Variants in AADACL2 observed in about 807,000 individuals in gnomAD.
The protein encoded by AADACL2 is arylacetamide deacetylase like 2, also known as arylacetamide deacetylase-like 2.
Under a neutral mutation model 22.3 loss-of-function variants are expected in AADACL2, and 23 were observed. The observed-to-expected ratio is 1.03, with a 90% CI of 0.74 to 1.46. The LOEUF is 1.46. Ranked by LOEUF, AADACL2 falls within the 40% of genes most tolerant of loss-of-function variation. The pLI is 0.00. For synonymous variants in AADACL2, 177 were observed against 166.2 expected (o/e 1.07, Z -0.50); for missense variants, 472 against 482.9 (o/e 0.98, Z 0.21).
rs533008128 is a variant in AADACL2 at position 151,745,812 on chromosome 3, T to C, written c.603+132T>C. 6.9e-5 allele frequency: 64 copies of C among 928,780 alleles called. No homozygotes were observed. The South Asian group carries it at 1.1e-3, about 15-fold the overall frequency. The allele number at this position is 928,780 out of a possible 1,614,324, so 57.5% of individuals were successfully genotyped here. On this transcript the variant is annotated intron_variant, in intron 4 of 4. Coordinates refer to ENST00000356517, the MANE Select transcript of AADACL2 (RefSeq NM_207365.4). ...CCATTGAATTACAGTAGCACTTGAGTAAACATTTATTTAACCTTAATGTGA... is the reference window on the plus strand; with the variant it reads ...CCATTGAATTACAGTAGCACTTGAGCAAACATTTATTTAACCTTAATGTGA...
chr3:151,749,651 T>G (rs909774166), intron 4 of AADACL2, among the ~76,000 whole-genome samples: 1 of 151,910 alleles, frequency 6.6e-6, no homozygotes, highest in Non-Finnish European at 1.5e-5. Context: ...CCTGGCTAAT[T>G]TTTGTATTTT....
rs900520065 is a variant in AADACL2, at chr3:151,757,604, G to A, written c.*10G>A. 1.9e-6 allele frequency: 3 copies of A among 1,596,468 alleles called. No individual in the cohort carries two copies. The highest frequency in any genetic ancestry group is 2.6e-6 in the Non-Finnish European group (3 of 1,170,992). On this transcript the variant is annotated 3_prime_UTR_variant, in exon 5 of 5. Coordinates refer to ENST00000356517, the MANE Select transcript of AADACL2 (RefSeq NM_207365.4). ...GGATAAGAATTTATAAATATGTGATGTGTATGTATAGCCCTTACATAGTGG... is the reference window on the plus strand; with the variant it reads ...GGATAAGAATTTATAAATATGTGATATGTATGTATAGCCCTTACATAGTGG...
chr3:151,759,824 AC>A lies in AADACL2; in HGVS notation c.*2231del, dbSNP rs1246672046. 6.6e-6 allele frequency: 1 copy of A among 152,140 alleles called. No homozygotes were observed. The highest frequency in any genetic ancestry group is 1.5e-5 in the Non-Finnish European group (1 of 68,008). The allele number at this position is 152,140 out of a possible 1,614,324, so 9.4% of individuals were successfully genotyped here. A position where few individuals can be genotyped will look rare whatever the true frequency, so the allele number is the denominator to read the frequency against. ...TAAAGGGTTCATTTCACTGGGTCTT[AC>A]TTTCAAAGTTTGTTCCATTTTGTGT... is the stretch of plus-strand genomic sequence containing the variant. On this transcript the variant is annotated 3_prime_UTR_variant, in exon 5 of 5. Transcript: ENST00000356517.
intron 4 of AADACL2, among the ~76,000 whole-genome samples, chr3:151,747,980 A>G (rs1713514925): frequency 1.3e-5 from 2 of 151,910 alleles, no homozygotes; most frequent in Non-Finnish European, 2.9e-5. Flanking sequence ...TTTTCTTGCC[A>G]TTTAGTTGAA....
At chr3:151,742,315 G>A (rs758649371) in intron 2 of AADACL2, among the ~76,000 whole-genome samples, 30 of 151,584 alleles carry the variant, frequency 2.0e-4, no homozygotes, top group East Asian at 5.8e-4. Context: ...GTTTCTATAC[G>A]CATTCTACAG....
At chr3:151,747,624 G>GTGTGTGTGTGTATC (rs1464974665) in intron 4 of AADACL2, among the ~76,000 whole-genome samples, 1 of 151,328 alleles carries the variant, frequency 6.6e-6, no homozygotes, top group Non-Finnish European at 1.5e-5. Context: ...GTGTTTGTGT[G>GTGTGTGTGTGTATC]TGTGTGTGTG....
At chr3:151,753,916 G>A (rs977681626) in intron 4 of AADACL2, among the ~76,000 whole-genome samples, 3 of 152,194 alleles carry the variant, frequency 2.0e-5, no homozygotes, top group East Asian at 1.9e-4. Context: ...CCTTGGCAGC[G>A]GAAACCATTA....
chr3:151,739,631 G>A (rs1713211627), intron 1 of AADACL2, among the ~76,000 whole-genome samples: 1 of 152,134 alleles, frequency 6.6e-6, no homozygotes, highest in Non-Finnish European at 1.5e-5. Context: ...CTTCCCCCAG[G>A]TGCTCTGTCT....
At position 151,758,492 on chromosome 3, in the gene AADACL2, T is replaced by G. The variant is rs949412502; in HGVS notation, c.*898T>G. 6.6e-6 allele frequency: 1 copy of G among 152,154 alleles called. No homozygotes were observed. Among genetic ancestry groups the G allele is most frequent in the Admixed American group, 6.6e-5 (1 of 15,250 alleles). The allele number at this position is 152,154 out of a possible 1,614,324, so 9.4% of individuals were successfully genotyped here. On this transcript the variant is annotated 3_prime_UTR_variant, in exon 5 of 5. Transcript: ENST00000356517. ...ACCTTCAGAGATTAGGATGTAGTTA[T>G]CTTTTGGGAGGCCATTTTTAAAAAT...
chr3:151,759,708 A>G lies in AADACL2; in HGVS notation c.*2114A>G, dbSNP rs1226570422. The stretch of plus-strand genomic sequence containing the variant: ...AATTTGGTCCCAGAATATTTCTGGA[A>G]GGAACCACAGGTAGACTAGCTTCCA... On this transcript the variant is annotated 3_prime_UTR_variant, in exon 5 of 5. Transcript: ENST00000356517. 1 of 152,164 alleles carries G rather than the reference A, an allele frequency of 6.6e-6. No homozygotes were observed. Among genetic ancestry groups the G allele is most frequent in the African/African-American group, 2.4e-5 (1 of 41,448 alleles). The allele number at this position is 152,164 out of a possible 1,614,324, so 9.4% of individuals were successfully genotyped here.
At chr3:151,741,194 A>C (rs1270237695) in intron 2 of AADACL2, among the ~76,000 whole-genome samples, 1 of 152,184 alleles carries the variant, frequency 6.6e-6, no homozygotes, top group East Asian at 1.9e-4. Flanking sequence ...ATTCAGGAGC[A>C]GAAACATTGA....
chr3:151,742,984 T>C (rs1156635775), intron 2 of AADACL2, among the ~76,000 whole-genome samples: 1 of 152,048 alleles, frequency 6.6e-6, no homozygotes, highest in Non-Finnish European at 1.5e-5. Flanking sequence ...GAAGGCTATG[T>C]CTCCCTAATC....
In AADACL2 at chr3:151,757,034, G is replaced by A; in HGVS notation, c.646G>A (p.Val216Ile). The A allele has an allele frequency of 1.9e-6, 3 of 1,610,688 alleles. No homozygotes were observed. The highest frequency in any genetic ancestry group is 2.5e-6 in the Non-Finnish European group (3 of 1,178,984). Residue 216 changes from valine to isoleucine, a missense_variant, in exon 5 of 5, where the codon GTC (valine) becomes ATC (isoleucine). Transcript: ENST00000356517. ...AATAAAACATAAAATCAAGATGCAA[G>A]TCTTACTTTACCCTGGCTTACAGAT... ...AEIKHKIKMQVLLYPGLQITD... is the reference protein window; with the variant it reads ...AEIKHKIKMQILLYPGLQITD...
intron 4 of AADACL2, among the ~76,000 whole-genome samples, chr3:151,751,932 T>A (rs950538248): frequency 7.2e-5 from 11 of 152,292 alleles, no homozygotes; most frequent in Admixed American, 2.0e-4. Flanking sequence ...ACATTCTGAT[T>A]TATCTGTTCA....
intron 1 of AADACL2, among the ~76,000 whole-genome samples, chr3:151,735,048 C>T (rs1303922777): frequency 6.6e-6 from 1 of 152,186 alleles, no homozygotes; most frequent in African/African-American, 2.4e-5. Context: ...ATGCTTTGTA[C>T]AGCAAACAGT....
intron 4 of AADACL2, among the ~76,000 whole-genome samples, chr3:151,750,470 T>C (rs963153593): frequency 6.6e-6 from 1 of 152,178 alleles, no homozygotes; most frequent in Non-Finnish European, 1.5e-5. Flanking sequence ...AGCCTTTTCT[T>C]ATCTTTCATG....
At chr3:151,754,574 GA>G (rs552377249) in intron 4 of AADACL2, among the ~76,000 whole-genome samples, 226 of 152,224 alleles carry the variant, frequency 1.5e-3, no homozygotes, top group African/African-American at 4.9e-3. Flanking sequence ...GTGTTTTCAT[GA>G]AAATAAAGTT....
Position 151,734,028 on chromosome 3 carries a change from G to C in AADACL2, c.-8G>C, listed in dbSNP as rs777077092. ...CAGTACTGTGAAGAAGCTGGAAAAA[G>C]GGATATTATGGGGCTAAAAGCTCTC... is the stretch of plus-strand genomic sequence containing the variant. On this transcript the variant is annotated 5_prime_UTR_variant, in exon 1 of 5. Transcript: ENST00000356517. The C allele has an allele frequency of 3.1e-6, 5 of 1,601,074 alleles. No individual in the cohort carries two copies. Among genetic ancestry groups the C allele is most frequent in the Non-Finnish European group, 3.4e-6 (4 of 1,173,256 alleles).
intron 1 of AADACL2, 146 bp from the exon 2 acceptor site, chr3:151,740,500 G>A (rs1241400398): frequency 3.3e-6 from 2 of 600,856 alleles, no homozygotes; most frequent in Non-Finnish European, 5.5e-6. Flanking sequence ...GATCTTTACA[G>A]TATTATTTGG....
Sources: allele counts gnomAD v4.1 joint callset (sites outside exome capture counted in the v4.1 genomes callset), GRCh38; gene constraint gnomAD v4.1.1; transcripts MANE v1.5; gene names NCBI Gene and HGNC (gene_info 2026-07-23, HGNC 2026-07-21).